Variants in STAG1 observed in about 807,000 individuals in gnomAD.
The protein encoded by STAG1 is cohesin subunit SA-1.
In STAG1, 26 loss-of-function variants were observed where a neutral mutation model predicts 170.9. That is an observed-to-expected ratio of 0.15 (90% CI 0.11 to 0.21). STAG1 has a LOEUF of 0.21. Ranked by LOEUF, STAG1 falls within the 10% of genes least tolerant of loss-of-function variation. The pLI is 1.00. For synonymous variants in STAG1, 514 were observed against 497.7 expected (o/e 1.03, Z -0.44); for missense variants, 964 against 1,509.5 (o/e 0.64, Z 5.99).
chr3:136,648,476 T>G (rs1469554495), intron 1 of STAG1, among the ~76,000 whole-genome samples: 2 of 152,200 alleles, frequency 1.3e-5, no homozygotes, highest in African/African-American at 4.8e-5. Flanking sequence ...CTGTAAAAAT[T>G]TTCTTAGATG....
intron 7 of STAG1, among the ~76,000 whole-genome samples, chr3:136,518,734 A>C (rs1336995701): frequency 2.0e-5 from 3 of 152,176 alleles, no homozygotes; most frequent in Non-Finnish European, 4.4e-5. Flanking sequence ...GTATAAACGT[A>C]TGTTGTTAAT....
At chr3:136,679,045 C>T (rs1376967492) in intron 1 of STAG1, among the ~76,000 whole-genome samples, 3 of 145,556 alleles carry the variant, frequency 2.1e-5, no homozygotes, top group Admixed American at 6.8e-5. Flanking sequence ...GATGTTCAAA[C>T]TTATGCCTGC....
At chr3:136,610,530 G>T (rs529755256) in intron 3 of STAG1, among the ~76,000 whole-genome samples, 1 of 152,102 alleles carries the variant, frequency 6.6e-6, no homozygotes, top group South Asian at 2.1e-4. Flanking sequence ...TTGGAGAAGT[G>T]TATTTAACAG....
chr3:136,739,008 T>C (rs962620548), intron 1 of STAG1, among the ~76,000 whole-genome samples: 27 of 152,100 alleles, frequency 1.8e-4, no homozygotes, highest in African/African-American at 6.0e-4. Context: ...GAAAGTAATG[T>C]CCTACCCAAG....
At chr3:136,562,817 ACCT>A (rs1245686020) in intron 5 of STAG1, among the ~76,000 whole-genome samples, 3 of 151,850 alleles carry the variant, frequency 2.0e-5, no homozygotes, top group Non-Finnish European at 2.9e-5. Context: ...TGAACTCCTG[ACCT>A]CAGGTGATCT....
chr3:136,690,039 C>CA (rs1373312848), intron 1 of STAG1, among the ~76,000 whole-genome samples: 399 of 4,548 alleles, frequency 0.088, 9 homozygotes, highest in African/African-American at 0.27. Context: ...GATTCTGTAA[C>CA]AAAAGAAAAA....
chr3:136,673,566 T>A (rs1047635864), intron 1 of STAG1, among the ~76,000 whole-genome samples: 2 of 152,192 alleles, frequency 1.3e-5, no homozygotes, highest in Non-Finnish European at 2.9e-5. Context: ...GCCCAACATC[T>A]GTATTACATG....
chr3:136,688,580 T>C (rs1942617245), intron 1 of STAG1, among the ~76,000 whole-genome samples: 2 of 152,014 alleles, frequency 1.3e-5, no homozygotes, highest in South Asian at 4.1e-4. Flanking sequence ...TTAGTAGAGA[T>C]GGGGCTTTGC....
chr3:136,683,068 A>G lies in STAG1; in HGVS notation c.-83-52087T>C, dbSNP rs74731904. ...ATATGAGGTGCCTAGAGCCATCAAC[A>G]TTCAGAGAGACAGAAAACAGAATGG... On this transcript the variant is annotated intron_variant, in intron 1 of 33. Transcript: ENST00000383202. 1.7e-3 allele frequency among the ~76,000 whole-genome samples: 266 copies of G among 152,352 alleles called. 1 individual carries two copies. Among genetic ancestry groups the G allele is most frequent in the African/African-American group, 6.0e-3 (251 of 41,590 alleles).
intron 2 of STAG1, among the ~76,000 whole-genome samples, chr3:136,627,391 T>TGA (rs897053702): frequency 3.9e-5 from 6 of 152,194 alleles, no homozygotes; most frequent in African/African-American, 1.2e-4. Flanking sequence ...ATTTAGGCTT[T>TGA]TGCATCTCTC....
intron 1 of STAG1, among the ~76,000 whole-genome samples, chr3:136,695,157 A>G (rs1029406893): frequency 6.6e-6 from 1 of 152,228 alleles, no homozygotes; most frequent in Non-Finnish European, 1.5e-5. Context: ...AAAGAACCCA[A>G]TGAAGGCCAC....
chr3:136,686,200 C>T (rs1942515087), intron 1 of STAG1, among the ~76,000 whole-genome samples: 1 of 152,206 alleles, frequency 6.6e-6, no homozygotes, highest in African/African-American at 2.4e-5. Flanking sequence ...CCTGGTGCCT[C>T]AACTCCAAAT....
intron 29 of STAG1, among the ~76,000 whole-genome samples, chr3:136,344,290 CTT>C (rs1409237157): frequency 2.6e-5 from 4 of 152,136 alleles, no homozygotes; most frequent in Non-Finnish European, 4.4e-5. Flanking sequence ...ATCATCATCT[CTT>C]TAAGTCCCTC....
intron 1 of STAG1, among the ~76,000 whole-genome samples, chr3:136,705,385 AC>A (rs1176186757): frequency 5.5e-5 from 1 of 18,190 alleles, no homozygotes; most frequent in Non-Finnish European, 1.4e-4. Flanking sequence ...TCAAACACAC[AC>A]ACACACACAC....
chr3:136,518,724 G>A (rs995167932), intron 7 of STAG1, among the ~76,000 whole-genome samples: 1 of 152,026 alleles, frequency 6.6e-6, no homozygotes, highest in African/African-American at 2.4e-5. Context: ...TGAAAATTCC[G>A]TATAAACGTA....
intron 22 of STAG1, among the ~76,000 whole-genome samples, chr3:136,392,813 A>C (rs2087047962): frequency 6.6e-6 from 1 of 151,214 alleles, no homozygotes; most frequent in Admixed American, 6.6e-5. Context: ...AAATATTAAC[A>C]GTGGTTATCT....
Position 136,497,811 on chromosome 3 carries a change from C to T in STAG1, c.902+2412G>A, listed in dbSNP as rs868229014. Among the ~76,000 whole-genome samples the T allele has an allele frequency of 4.1e-4, 59 of 145,298 alleles. 1 individual carries two copies. Among genetic ancestry groups the T allele is most frequent in the African/African-American group, 1.4e-3 (55 of 39,296 alleles). On this transcript the variant is annotated intron_variant, in intron 9 of 33. Coordinates refer to ENST00000383202, the MANE Select transcript of STAG1 (RefSeq NM_005862.3). ...TGGAGCTTGCAGTGAGCCGAGATCG[C>T]GCCACTGCACTCTAGCCTGGGCAAC...
intron 29 of STAG1, among the ~76,000 whole-genome samples, chr3:136,348,292 GT>G (rs558291233): frequency 3.0e-3 from 416 of 138,728 alleles, no homozygotes; most frequent in Middle Eastern, 3.8e-3. Context: ...CAATTTTTAG[GT>G]TTTTTTTTTT....
intron 5 of STAG1, among the ~76,000 whole-genome samples, chr3:136,550,194 G>C (rs1015919315): frequency 2.0e-4 from 31 of 152,108 alleles, no homozygotes; most frequent in African/African-American, 6.8e-4. Flanking sequence ...ATTTGGAAAA[G>C]ACTGAGAACT....
Sources: allele counts gnomAD v4.1 joint callset (sites outside exome capture counted in the v4.1 genomes callset), GRCh38; gene constraint gnomAD v4.1.1; transcripts MANE v1.5; gene names NCBI Gene and HGNC (gene_info 2026-07-23, HGNC 2026-07-21).